The following RBM39 variants were observed in gnomAD, a reference collection of about 807,000 sequenced individuals.
The protein encoded by RBM39 is RNA-binding protein 39.
Under a neutral mutation model 79.6 loss-of-function variants are expected in RBM39, and 12 were observed. The ratio of observed to expected loss-of-function variants is 0.15; its 90% confidence interval spans 0.10 to 0.24. The LOEUF is 0.24. Among genes scored for constraint, RBM39 ranks in the 10% least tolerant of loss-of-function variants. The pLI, the probability that RBM39 is intolerant of heterozygous loss-of-function variation, is 1.00. For missense variants in RBM39, 243 were observed against 653.4 expected, an observed-to-expected ratio of 0.37 and a Z score of 6.85; for synonymous variants, 185 against 208.4, an observed-to-expected ratio of 0.89 and a Z score of 0.97.
At chr20:35,719,538 G>C (rs146826019) in intron 9 of RBM39, among the ~76,000 whole-genome samples, 1 of 151,930 alleles carries the variant, frequency 6.6e-6, no homozygotes, top group Non-Finnish European at 1.5e-5. Flanking sequence ...TTAGCTGGGC[G>C]TTGTGGTCAG....
At chr20:35,736,549 C>T (rs1224232628) in intron 3 of RBM39, 1 of 470,614 alleles carries the variant, frequency 2.1e-6, no homozygotes, top group African/African-American at 2.0e-5. Context: ...GACATACTTA[C>T]TATGAAGCAT....
At chr20:35,734,185 C>T in intron 3 of RBM39, 1 of 1,300,372 alleles carries the variant, frequency 7.7e-7, no homozygotes, top group Non-Finnish European at 1.0e-6. Flanking sequence ...AAGACACCCA[C>T]CTTCTGGAAT....
At chr20:35,739,745 A>G (rs746771133) in intron 2 of RBM39, 1 of 310,266 alleles carries the variant, frequency 3.2e-6, no homozygotes, top group Non-Finnish European at 6.4e-6. Flanking sequence ...CAAGAGTCTA[A>G]GCATTACAAA....
Position 35,705,256 on chromosome 20 carries a change from A to G in RBM39, c.1382T>C (p.Ile461Thr), listed in dbSNP as rs201495914. ...IEECNKHGGV[I>T]HIYVDKNSAQ... ...TGAATTTTTGTCAACATAAATATGA[A>G]TAACTCCTCCATGTTTATTACATTC... Residue 461 changes from isoleucine (I) to threonine (T), a missense_variant, in exon 15 of 17, where the codon ATT becomes ACT. Transcript: ENST00000253363. 3.2e-6 allele frequency: 5 copies of G among 1,576,114 alleles called. No individual in the cohort carries two copies. The highest frequency in any genetic ancestry group is 4.3e-6 in the Non-Finnish European group (5 of 1,168,476).
Position 35,702,401 on chromosome 20 carries a change from C to T in RBM39, c.*2080G>A, listed in dbSNP as rs1283868210. On this transcript the variant is annotated 3_prime_UTR_variant, in exon 17 of 17. Coordinates refer to ENST00000253363, the MANE Select transcript of RBM39 (RefSeq NM_184234.3). ...AGTTACTACACTCCAACCACATTTC[C>T]TCTGAACATTATTTACACACCAAAT... 6.6e-6 allele frequency: 1 copy of T among 152,234 alleles called. No homozygotes were observed. The highest frequency in any genetic ancestry group is 1.5e-5 in the Non-Finnish European group (1 of 68,048). 9.4% of individuals were successfully genotyped at this position (152,234 alleles called of 1,614,324 possible). A position where few individuals can be genotyped will look rare whatever the true frequency, so the allele number is the denominator to read the frequency against.
At position 35,724,648 on chromosome 20, in the gene RBM39, A is replaced by G. The variant is rs1218494108; in HGVS notation, c.609T>C (p.Asp203=). Reference sequence around the variant, plus strand: ...CTATTGCTAGAGGCACTGAGCTAACATCGACGAACTCCACATAAGCAATTC... The same window carrying G: ...CTATTGCTAGAGGCACTGAGCTAACGTCGACGAACTCCACATAAGCAATTC... The part of the protein sequence containing the change: ...SKGIAYVEFV[D]VSSVPLAIGL... Residue 203 remains aspartate (D), a synonymous_variant, in exon 8 of 17, where the codon GAT becomes GAC. Transcript: ENST00000253363. 6.2e-7 allele frequency: 1 copy of G among 1,614,080 alleles called. No individual in the cohort carries two copies. Among genetic ancestry groups the G allele is most frequent in the African/African-American group, 1.3e-5 (1 of 74,934 alleles).
intron 10 of RBM39, among the ~76,000 whole-genome samples, chr20:35,715,927 A>T (rs2037068576): frequency 6.6e-6 from 1 of 152,128 alleles, no homozygotes; most frequent in African/African-American, 2.4e-5. Context: ...CCAAGCAATA[A>T]CAAGTAAAGG....
chr20:35,723,218 C>T (rs1452037394), intron 8 of RBM39, among the ~76,000 whole-genome samples: 3 of 147,548 alleles, frequency 2.0e-5, no homozygotes, highest in Non-Finnish European at 4.5e-5. Context: ...CCCTCCATAA[C>T]CAAGATCGCC....
At chr20:35,706,922 A>G (rs1048390663) in intron 14 of RBM39, among the ~76,000 whole-genome samples, 198 bp downstream of exon 14, 2 of 150,486 alleles carry the variant, frequency 1.3e-5, no homozygotes, top group Non-Finnish European at 3.0e-5. Context: ...AGCCACTCGG[A>G]AGGCTGAGGC....
At chr20:35,711,856 A>G (rs2425082) in intron 12 of RBM39, among the ~76,000 whole-genome samples, 6,215 of 152,184 alleles carry the variant, frequency 0.041, 153 homozygotes, top group African/African-American at 0.065. Flanking sequence ...ATATAAGGTC[A>G]AAGGACCAGC....
chr20:35,740,740 AG>A (rs1448639913), intron 2 of RBM39, 83 bp downstream of exon 2: 1 of 1,409,566 alleles, frequency 7.1e-7, no homozygotes, highest in Non-Finnish European at 1.0e-6. Flanking sequence ...GGCTCCGGGG[AG>A]GTTAGTTTAC....
rs929927019 is a variant in RBM39, at chr20:35,703,415, T to G, written c.*1066A>C. The G allele has an allele frequency of 6.6e-6, 1 of 152,164 alleles. No homozygotes were observed. Among genetic ancestry groups the G allele is most frequent in the Non-Finnish European group, 1.5e-5 (1 of 68,020 alleles). The allele number at this position is 152,164 out of a possible 1,614,324, so 9.4% of individuals were successfully genotyped here. A position where few individuals can be genotyped will look rare whatever the true frequency, so the allele number is the denominator to read the frequency against. On this transcript the variant is annotated 3_prime_UTR_variant, in exon 17 of 17. Coordinates refer to ENST00000253363, the MANE Select transcript of RBM39 (RefSeq NM_184234.3). The stretch of plus-strand genomic sequence containing the variant: ...TTCTTTTTGGTAAACCCCTCAGTTT[T>G]GATACATTCTTCTAAAATACACAGG...
chr20:35,736,093 CT>C (rs2039877144), intron 3 of RBM39, among the ~76,000 whole-genome samples: 1 of 138,814 alleles, frequency 7.2e-6, no homozygotes, highest in Non-Finnish European at 1.6e-5. Context: ...GAAGCGAAAT[CT>C]TTAGCCACTC....
In RBM39 at chr20:35,706,756, G is replaced by A. The variant is rs568227433; in HGVS notation, c.1307+364C>T. On this transcript the variant is annotated intron_variant, in intron 14 of 16. Transcript: ENST00000253363. The stretch of plus-strand genomic sequence containing the variant: ...AATACGGAAATACCAGGCCGGGCCC[G>A]GTGGCTCATGCCTGTAATCCCAGCA... Among the ~76,000 whole-genome samples, 29 of 152,042 alleles carry A rather than the reference G, an allele frequency of 1.9e-4. No individual in the cohort carries two copies. In the East Asian group the frequency reaches 4.3e-3, roughly 22 times the overall value.
chr20:35,720,604 T>TAAAA, intron 9 of RBM39, among the ~76,000 whole-genome samples: 1 of 130,966 alleles, frequency 7.6e-6, no homozygotes, highest in African/African-American at 2.8e-5. Flanking sequence ...GCCCTGTCTC[T>TAAAA]AAAAAAAAAA....
intron 2 of RBM39, chr20:35,739,308 T>C (rs753541735): frequency 3.7e-5 from 17 of 464,370 alleles, no homozygotes; most frequent in Admixed American, 6.0e-5. Flanking sequence ...ATTTACAATG[T>C]TGAAGTGGTT....
At chr20:35,709,970 G>A (rs549820392) in intron 12 of RBM39, among the ~76,000 whole-genome samples, 108 of 152,182 alleles carry the variant, frequency 7.1e-4, no homozygotes, top group Non-Finnish European at 1.1e-3. Flanking sequence ...CATCTAATCA[G>A]TATTAAAAAT....
chr20:35,736,896 C>T (rs1364815112), intron 3 of RBM39, among the ~76,000 whole-genome samples: 3 of 151,378 alleles, frequency 2.0e-5, no homozygotes. Flanking sequence ...TGTGATCCAC[C>T]CGCCTGAGCC....
At chr20:35,727,612 AC>A (rs1474972570) in intron 6 of RBM39, among the ~76,000 whole-genome samples, 2 of 151,088 alleles carry the variant, frequency 1.3e-5, no homozygotes, top group Non-Finnish European at 2.9e-5. Flanking sequence ...AGTAGCTGGG[AC>A]TACAGGTGCA....
Sources: gnomAD v4.1 joint callset for allele counts (sites outside exome capture counted in the v4.1 genomes callset) on GRCh38, gnomAD v4.1.1 for gene constraint, MANE v1.5 for transcripts, NCBI Gene and HGNC (gene_info 2026-07-23, HGNC 2026-07-21) for gene names.